The following GRB10 variants were observed in gnomAD, a reference collection of about 807,000 sequenced individuals.
The protein encoded by GRB10 is growth factor receptor bound protein 10.
A neutral mutation model predicts 80.9 loss-of-function variants in GRB10; 20 were observed. That is an observed-to-expected ratio of 0.25 (90% CI 0.17 to 0.36). The LOEUF (loss-of-function observed/expected upper bound fraction) is 0.36, where lower values mean the gene tolerates loss of function less well. Ranked by LOEUF, GRB10 falls within the 10% of genes least tolerant of loss-of-function variation. GRB10 has a pLI of 1.00. For synonymous variants in GRB10, 291 were observed against 291.5 expected (o/e 1.00, Z 0.02); for missense variants, 548 against 747.7 (o/e 0.73, Z 3.12).
chr7:50,600,783 T>G (rs961159532), intron 17 of GRB10, among the ~76,000 whole-genome samples: 1 of 152,186 alleles, frequency 6.6e-6, no homozygotes. Context: ...GCCTCCTTCA[T>G]GAGAGATGCG....
At chr7:50,631,107 T>A (rs1375418457) in intron 7 of GRB10, among the ~76,000 whole-genome samples, 1 of 152,168 alleles carries the variant, frequency 6.6e-6, no homozygotes, top group Non-Finnish European at 1.5e-5. Flanking sequence ...TTCAGGCCCC[T>A]CCTTGCTGTC....
In GRB10 at chr7:50,680,507, G is replaced by A. The variant is rs569547378; in HGVS notation, c.140-5849C>T. ...GTACAGACACATCTGCAAAAGAGTC[G>A]TGGCCTATGCTAATGGGCAGTGGCA... On this transcript the variant is annotated intron_variant, in intron 5 of 18. Transcript: ENST00000401949. Among the ~76,000 whole-genome samples, 6 of 152,268 alleles carry A rather than the reference G, an allele frequency of 3.9e-5. No homozygotes were observed. In the South Asian group the frequency reaches 8.3e-4, roughly 21 times the overall value.
At chr7:50,729,087 A>AC (rs998891188) in intron 4 of GRB10, among the ~76,000 whole-genome samples, 1 of 152,192 alleles carries the variant, frequency 6.6e-6, no homozygotes, top group African/African-American at 2.4e-5. Flanking sequence ...CACAACACAC[A>AC]TCTTGTGGTG....
In GRB10 at chr7:50,674,460, T is replaced by C; in HGVS notation, c.338A>G (p.Gln113Arg). Residue 113 changes from glutamine to arginine, a missense_variant, in exon 6 of 19, where the codon CAG (glutamine) becomes CGG (arginine). Physicochemically the swap from Gln to Arg is conservative, Grantham distance 43 (BLOSUM62 1). Around this residue, in one of 4 missense-constraint regions of GRB10, gnomAD observed 245 missense variants for 229.3 expected, o/e 1.07. Transcript: ENST00000401949. Reference protein sequence around the residue: ...VSPRQRVQRSQPVHILAVRRL... With the variant: ...VSPRQRVQRSRPVHILAVRRL... ...CCTGACAGCGAGGATGTGCACAGGC[T>C]GGGAGCGCTGCACCCTCTGCCTCGG... The C allele has an allele frequency of 6.2e-7, 1 of 1,606,358 alleles. No homozygotes were observed. The highest frequency in any genetic ancestry group is 8.5e-7 in the Non-Finnish European group (1 of 1,179,990).
At chr7:50,610,814 G>A (rs992463991) in intron 13 of GRB10, among the ~76,000 whole-genome samples, 3 of 152,126 alleles carry the variant, frequency 2.0e-5, no homozygotes, top group African/African-American at 7.2e-5. Context: ...AAGTCAGTTC[G>A]TTTTGCATTA....
chr7:50,675,101 C>G (rs1035236361), intron 5 of GRB10, among the ~76,000 whole-genome samples: 5 of 152,188 alleles, frequency 3.3e-5, no homozygotes, highest in African/African-American at 1.2e-4. Context: ...AAACAAGAGA[C>G]AGAAACAGAG....
intron 7 of GRB10, among the ~76,000 whole-genome samples, chr7:50,659,267 T>C (rs1365234683): frequency 2.0e-5 from 3 of 152,156 alleles, no homozygotes; most frequent in Non-Finnish European, 2.9e-5. Flanking sequence ...TGCATGGCTT[T>C]TTCCCCCTCA....
At chr7:50,746,393 ATT>A (rs1292084769) in intron 3 of GRB10, among the ~76,000 whole-genome samples, 2 of 152,160 alleles carry the variant, frequency 1.3e-5, no homozygotes, top group Non-Finnish European at 2.9e-5. Flanking sequence ...AACTTACGAC[ATT>A]TGTGTCTTAT....
rs1022558801 is a variant in GRB10 at position 50,673,950 on chromosome 7, C to T, written c.362+486G>A. ...CCAGCACGTTCCTCCCTCCAGCCTC[C>T]CTGTTTCCACAGAGATGTGCCTACC... On this transcript the variant is annotated intron_variant, in intron 6 of 18. Coordinates refer to ENST00000401949, the MANE Select transcript of GRB10 (RefSeq NM_001350814.2). Among the ~76,000 whole-genome samples the T allele has an allele frequency of 2.0e-5, 3 of 152,300 alleles. No homozygotes were observed. In the South Asian group the frequency reaches 6.2e-4, roughly 32 times the overall value.
chr7:50,662,635 C>T (rs1470821580), intron 7 of GRB10, among the ~76,000 whole-genome samples: 2 of 152,204 alleles, frequency 1.3e-5, no homozygotes, highest in African/African-American at 4.8e-5. Flanking sequence ...GGCTGTGTGA[C>T]TCCAGCCAAA....
At chr7:50,781,808 A>AG (rs2078311013) in intron 1 of GRB10, among the ~76,000 whole-genome samples, 1 of 152,270 alleles carries the variant, frequency 6.6e-6, no homozygotes. Flanking sequence ...AACTCCATCA[A>AG]GAACACGAAC....
intron 13 of GRB10, among the ~76,000 whole-genome samples, chr7:50,611,805 C>A (rs182261871): frequency 6.6e-6 from 1 of 152,324 alleles, no homozygotes; most frequent in East Asian, 1.9e-4. Context: ...TACAGTTCAA[C>A]GAAGGCTGGG....
chr7:50,602,991 T>C (rs1342166253), intron 17 of GRB10, among the ~76,000 whole-genome samples: 1 of 152,178 alleles, frequency 6.6e-6, no homozygotes, highest in East Asian at 1.9e-4. Context: ...AGTAAGCAGG[T>C]TGAAGCTGCG....
At position 50,782,212 on chromosome 7, in the gene GRB10, G is replaced by C. The variant is rs2078358390; in HGVS notation, c.-327+212C>G. Among the ~76,000 whole-genome samples, 1 of 152,046 alleles carries C rather than the reference G, an allele frequency of 6.6e-6. No homozygotes were observed. Among genetic ancestry groups the C allele is most frequent in the Admixed American group, 6.6e-5 (1 of 15,264 alleles). ...GTTACATAATACTGTCCTATGGCTGGCGGCAACGAAGCTCGGGATCTCGGA... is the reference window on the plus strand; with the variant it reads ...GTTACATAATACTGTCCTATGGCTGCCGGCAACGAAGCTCGGGATCTCGGA... On this transcript the variant is annotated intron_variant, in intron 1 of 18. Transcript: ENST00000401949. This position sits in a 1 kb window ranked among gnomAD's most constrained non-coding sequence, Gnocchi z 6.6.
At chr7:50,702,932 C>T (rs3779072) in intron 5 of GRB10, among the ~76,000 whole-genome samples, 105,410 of 152,146 alleles carry the variant, frequency 0.69, 40,019 homozygotes, top group Middle Eastern at 0.89. Flanking sequence ...AATGAGATCA[C>T]TTGTGAGCAT....
chr7:50,685,775 G>A (rs933833156), intron 5 of GRB10, among the ~76,000 whole-genome samples: 2 of 152,164 alleles, frequency 1.3e-5, no homozygotes, highest in Non-Finnish European at 2.9e-5. Flanking sequence ...AAGGCATCAG[G>A]ATGAGAAAAG....
chr7:50,676,335 C>CGGGGGGGGGGGGG (rs3040026), intron 5 of GRB10, among the ~76,000 whole-genome samples: 47 of 93,214 alleles, frequency 5.0e-4, no homozygotes, highest in Admixed American at 8.7e-4. Flanking sequence ...TCCACCCCAC[C>CGGGGGGGGGGGGG]GGGGGGGGGG....
At chr7:50,759,044 T>A (rs1463280443) in intron 2 of GRB10, among the ~76,000 whole-genome samples, 1 of 151,866 alleles carries the variant, frequency 6.6e-6, no homozygotes. Context: ...CTTTTAAAAA[T>A]TAGCTGGGTG....
At chr7:50,614,572 C>G (rs1011933084) in intron 12 of GRB10, among the ~76,000 whole-genome samples, 198 bp downstream of exon 12, 2 of 152,090 alleles carry the variant, frequency 1.3e-5, no homozygotes, top group African/African-American at 2.4e-5. Context: ...GTCTGCTTGT[C>G]CTTGAGCTTC....
Sources: allele counts gnomAD v4.1 joint callset (sites outside exome capture counted in the v4.1 genomes callset), GRCh38; gene constraint gnomAD v4.1.1; regional missense constraint gnomAD v4.1.1; non-coding constraint Gnocchi (gnomAD v3.1); transcripts MANE v1.5; gene names NCBI Gene and HGNC (gene_info 2026-07-23, HGNC 2026-07-21).